Variants in VAV3 observed in about 807,000 individuals in gnomAD.
The protein encoded by VAV3 is vav guanine nucleotide exchange factor 3.
Under a neutral mutation model 131.2 loss-of-function variants are expected in VAV3, and 94 were observed. The ratio of observed to expected loss-of-function variants is 0.72; its 90% confidence interval spans 0.61 to 0.85. VAV3 has a LOEUF of 0.85. VAV3 is among the 40% of genes least tolerant of loss of function. The probability of loss-of-function intolerance (pLI) is 0.00; values close to 1 mark genes in which losing one functional copy is unlikely to be tolerated. For synonymous variants in VAV3, 349 were observed against 342.0 expected, an observed-to-expected ratio of 1.02 and a Z score of -0.22; for missense variants, 939 against 1,002.7, an observed-to-expected ratio of 0.94 and a Z score of 0.86.
chr1:107,804,716 G>A (rs72705676), intron 2 of VAV3, among the ~76,000 whole-genome samples: 3,921 of 152,186 alleles, frequency 0.026, 69 homozygotes, highest in South Asian at 0.056. Context: ...GGCTGTATCC[G>A]AACTTCAGTT....
intron 1 of VAV3, among the ~76,000 whole-genome samples, chr1:107,902,810 T>G (rs1358070669): frequency 1.3e-5 from 2 of 152,198 alleles, no homozygotes; most frequent in African/African-American, 2.4e-5. Context: ...GACTTATTTG[T>G]GCAGTCTCTT....
At chr1:107,624,271 A>C in intron 20 of VAV3, among the ~76,000 whole-genome samples, 1 of 152,148 alleles carries the variant, frequency 6.6e-6, no homozygotes, top group Non-Finnish European at 1.5e-5. Context: ...GTGTTTCTGC[A>C]GCAAGAAAGG....
intron 1 of VAV3, among the ~76,000 whole-genome samples, chr1:107,903,844 T>C (rs1671983037): frequency 6.6e-6 from 1 of 152,154 alleles, no homozygotes. Flanking sequence ...CTCCCACACT[T>C]ATGGCCTTGA....
At chr1:107,883,093 A>G (rs940672324) in intron 1 of VAV3, among the ~76,000 whole-genome samples, 3 of 152,212 alleles carry the variant, frequency 2.0e-5, no homozygotes, top group Non-Finnish European at 4.4e-5. Context: ...TTTTTAAGTC[A>G]TTCGTTCAAA....
intron 2 of VAV3, among the ~76,000 whole-genome samples, chr1:107,798,224 T>G (rs1286271879): frequency 6.6e-6 from 1 of 152,216 alleles, no homozygotes; most frequent in Non-Finnish European, 1.5e-5. Flanking sequence ...TTTATTCTAA[T>G]TTCAACATCC....
chr1:107,749,049 G>A lies in VAV3; in HGVS notation c.1421C>T (p.Thr474Ile), dbSNP rs746864641. The change falls in exon 15 of 27, where the codon ACC becomes ATC. Residue 474 changes from threonine (T) to isoleucine (I), a missense_variant. Coordinates refer to ENST00000370056, the MANE Select transcript of VAV3 (RefSeq NM_006113.5). ...AAATTCTAACCCATTTTGTCCTTGG[G>A]TATGGATGAGGTAGAAGCCATAAGA... is the stretch of plus-strand genomic sequence containing the variant. ...KWSYGFYLIHTQGQNGLEFYC... is the reference protein window; with the variant it reads ...KWSYGFYLIHIQGQNGLEFYC... 4 of 1,610,780 alleles carry A rather than the reference G, an allele frequency of 2.5e-6. No homozygotes were observed. Among genetic ancestry groups the A allele is most frequent in the South Asian group, 2.2e-5 (2 of 90,608 alleles).
chr1:107,877,142 G>A (rs1670542744), intron 1 of VAV3, among the ~76,000 whole-genome samples: 1 of 152,114 alleles, frequency 6.6e-6, no homozygotes, highest in Admixed American at 6.6e-5. Flanking sequence ...AAGGCAGCAG[G>A]TAATCAGCAC....
intron 15 of VAV3, among the ~76,000 whole-genome samples, chr1:107,714,077 T>C (rs1660946458): frequency 1.3e-5 from 2 of 152,098 alleles, no homozygotes; most frequent in African/African-American, 2.4e-5. Flanking sequence ...TATTTTTCCA[T>C]CAAAACTAAA....
At chr1:107,715,259 T>C (rs1253687087) in intron 15 of VAV3, among the ~76,000 whole-genome samples, 1 of 152,148 alleles carries the variant, frequency 6.6e-6, no homozygotes, top group Non-Finnish European at 1.5e-5. Flanking sequence ...TGAGAACATA[T>C]ATGTGTGCAT....
intron 6 of VAV3, among the ~76,000 whole-genome samples, chr1:107,769,319 TA>T (rs1373133716): frequency 6.6e-6 from 1 of 150,604 alleles, no homozygotes; most frequent in Non-Finnish European, 1.5e-5. Flanking sequence ...TGACTCTATC[TA>T]AGAAGTTAAG....
intron 20 of VAV3, among the ~76,000 whole-genome samples, chr1:107,641,782 AGATCATAC>A (rs1218710891): frequency 6.6e-6 from 1 of 152,154 alleles, no homozygotes; most frequent in Admixed American, 6.6e-5. Context: ...CATGCAAATT[AGATCATAC>A]CCAGAGGTCC....
Position 107,748,987 on chromosome 1 carries a change from C to G in VAV3, c.1483G>C (p.Glu495Gln). Reference protein sequence around the residue: ...KTKDLKKKWLEQFEMALSNIR... With the variant: ...KTKDLKKKWLQQFEMALSNIR... Reference sequence around the variant, plus strand: ...ACTCACAAAGCCATTTCAAACTGTTCTAGCCATTTCTTCTTTAAATCTTTT... The same window carrying G: ...ACTCACAAAGCCATTTCAAACTGTTGTAGCCATTTCTTCTTTAAATCTTTT... Residue 495 changes from glutamate to glutamine, a missense_variant, in exon 15 of 27, where the codon GAA (glutamate) becomes CAA (glutamine). Coordinates refer to ENST00000370056, the MANE Select transcript of VAV3 (RefSeq NM_006113.5). The G allele has an allele frequency of 6.2e-7, 1 of 1,608,790 alleles. No homozygotes were observed. The highest frequency in any genetic ancestry group is 8.5e-7 in the Non-Finnish European group (1 of 1,177,500).
chr1:107,835,984 C>T (rs1191547093), intron 2 of VAV3, among the ~76,000 whole-genome samples: 1 of 152,154 alleles, frequency 6.6e-6, no homozygotes, highest in African/African-American at 2.4e-5. Flanking sequence ...GAAACACAGG[C>T]ATGGTGCCTA....
intron 19 of VAV3, among the ~76,000 whole-genome samples, chr1:107,663,666 C>A (rs1198888828): frequency 6.6e-6 from 1 of 152,138 alleles, no homozygotes; most frequent in South Asian, 2.1e-4. Flanking sequence ...TAGTATTTTA[C>A]CTCCGCTGAA....
intron 20 of VAV3, among the ~76,000 whole-genome samples, chr1:107,635,903 G>T (rs935073028): frequency 1.3e-5 from 2 of 152,138 alleles, no homozygotes; most frequent in East Asian, 3.8e-4. Context: ...GTGTCTTTGG[G>T]CAGACTATTC....
intron 2 of VAV3, among the ~76,000 whole-genome samples, chr1:107,819,817 TTTCTG>T (rs1667718176): frequency 6.6e-6 from 1 of 152,144 alleles, no homozygotes; most frequent in African/African-American, 2.4e-5. Flanking sequence ...GCTTTTTTCT[TTTCTG>T]AAGTCTGGGG....
chr1:107,861,554 A>G (rs1669736143), intron 2 of VAV3, among the ~76,000 whole-genome samples: 1 of 151,554 alleles, frequency 6.6e-6, no homozygotes, highest in African/African-American at 2.4e-5. Flanking sequence ...CTAGCCTTCT[A>G]TGTATGTTTT....
intron 15 of VAV3, 28 bp from the exon 16 acceptor site, chr1:107,705,089 AT>A (rs1660362452): frequency 6.4e-7 from 1 of 1,554,242 alleles, no homozygotes; most frequent in African/African-American, 1.4e-5. Context: ...ATAACTTTCT[AT>A]AGAAAGTTTC....
chr1:107,798,862 G>T (rs2102295596), intron 2 of VAV3, among the ~76,000 whole-genome samples: 1 of 151,804 alleles, frequency 6.6e-6, no homozygotes, highest in African/African-American at 2.4e-5. Flanking sequence ...TTTACTGATA[G>T]GTATACATAA....
Sources: gnomAD v4.1 joint callset for allele counts (sites outside exome capture counted in the v4.1 genomes callset) on GRCh38, gnomAD v4.1.1 for gene constraint, MANE v1.5 for transcripts, NCBI Gene and HGNC (gene_info 2026-07-23, HGNC 2026-07-21) for gene names.